Variants in ADGRA1 observed in about 807,000 individuals in gnomAD.
The protein encoded by ADGRA1 is G-protein coupled receptor 123.
In ADGRA1, 12 loss-of-function variants were observed where a neutral mutation model predicts 21.3. The observed-to-expected ratio is 0.56, with a 90% confidence interval of 0.36 to 0.91. The LOEUF (loss-of-function observed/expected upper bound fraction) is 0.91, where lower values mean the gene tolerates loss of function less well. Among genes scored for constraint, ADGRA1 ranks in the 40% least tolerant of loss-of-function variants. The pLI, the probability that ADGRA1 is intolerant of heterozygous loss-of-function variation, is 0.01. For missense variants in ADGRA1, 790 were observed against 805.6 expected (o/e 0.98, Z 0.23); for synonymous variants, 385 against 368.8 (o/e 1.04, Z -0.50).
At chr10:133,096,367 A>G (rs559458895) in intron 2 of ADGRA1, among the ~76,000 whole-genome samples, 1 of 152,314 alleles carries the variant, frequency 6.6e-6, no homozygotes, top group African/African-American at 2.4e-5. Context: ...GAGAACACAC[A>G]TTCCCCTTTG....
intron 2 of ADGRA1, among the ~76,000 whole-genome samples, chr10:133,090,436 GT>G (rs1189372689): frequency 6.6e-6 from 1 of 152,204 alleles, no homozygotes; most frequent in Non-Finnish European, 1.5e-5. Context: ...GCAGCTCACT[GT>G]TTTTATTCAC....
At chr10:133,108,964 C>T (rs977360348) in intron 5 of ADGRA1, among the ~76,000 whole-genome samples, 1 of 149,304 alleles carries the variant, frequency 6.7e-6, no homozygotes, top group African/African-American at 2.5e-5. Flanking sequence ...CCCTCATGTC[C>T]TCCACGGTCC....
At chr10:133,104,559 C>T (rs555899933) in intron 5 of ADGRA1, among the ~76,000 whole-genome samples, 1 of 152,290 alleles carries the variant, frequency 6.6e-6, no homozygotes, top group East Asian at 1.9e-4. Flanking sequence ...GCCATGGTGC[C>T]GAGGCGACTG....
chr10:133,092,784 A>AGAGAG (rs1481540036), intron 2 of ADGRA1, among the ~76,000 whole-genome samples: 13 of 101,882 alleles, frequency 1.3e-4, no homozygotes, highest in African/African-American at 3.7e-4. Flanking sequence ...GAAGGAAGGA[A>AGAGAG]GGAAGGAAGG....
chr10:133,127,380 C>T, intron 6 of ADGRA1, 49 bp downstream of exon 6: 1 of 1,397,060 alleles, frequency 7.2e-7, no homozygotes, highest in African/African-American at 1.5e-5. Flanking sequence ...CGGGTGGGCT[C>T]TGCCTGAGGT....
At chr10:133,100,315 C>T (rs1267551875) in intron 4 of ADGRA1, among the ~76,000 whole-genome samples, 2 of 152,242 alleles carry the variant, frequency 1.3e-5, no homozygotes, top group African/African-American at 2.4e-5. Flanking sequence ...GCCCGGGAAA[C>T]GCCATTGACG....
intron 3 of ADGRA1, among the ~76,000 whole-genome samples, chr10:133,097,573 T>C (rs7096769): frequency 0.034 from 5,113 of 152,188 alleles, 213 homozygotes; most frequent in African/African-American, 0.094. Flanking sequence ...GTCGCCTCGG[T>C]CACGGACAGA....
intron 5 of ADGRA1, among the ~76,000 whole-genome samples, chr10:133,121,559 CTTGT>C (rs780091010): frequency 5.3e-5 from 7 of 132,348 alleles, no homozygotes; most frequent in African/African-American, 1.2e-4. Context: ...TGTGAGTGTG[CTTGT>C]TTGTGTGCAT....
rs779011695 is a variant in ADGRA1, at chr10:133,127,280, C to T, written c.449C>T (p.Thr150Met). 1.9e-6 allele frequency: 3 copies of T among 1,599,900 alleles called. No individual in the cohort carries two copies. The East Asian group carries it at 6.8e-5, about 36-fold the overall frequency. Reference sequence around the variant, plus strand: ...GTCCCCTTTATCATCTGTGGGGTCACGGCTGCCACGAACATCAGGAATTAC... The same window carrying T: ...GTCCCCTTTATCATCTGTGGGGTCATGGCTGCCACGAACATCAGGAATTAC... ...GGVPFIICGV[T>M]AATNIRNYGT... Residue 150 changes from threonine (T) to methionine (M), a missense_variant, in exon 6 of 7, where the codon ACG (threonine) becomes ATG (methionine). Physicochemically the swap from Thr to Met is moderately conservative, Grantham distance 81. Transcript: ENST00000392607.
chr10:133,103,747 C>T (rs556232546), intron 5 of ADGRA1, among the ~76,000 whole-genome samples: 4 of 152,324 alleles, frequency 2.6e-5, no homozygotes, highest in South Asian at 2.1e-4. Context: ...GGTCTGGCCG[C>T]GGCCGTGACC....
chr10:133,098,307 C>T (rs941318020), intron 3 of ADGRA1, among the ~76,000 whole-genome samples: 4 of 152,128 alleles, frequency 2.6e-5, no homozygotes, highest in Admixed American at 2.6e-4. Flanking sequence ...GGGGTGCGGC[C>T]TCTATCTCTG....
chr10:133,128,475 A>G lies in ADGRA1; in HGVS notation c.647A>G (p.Glu216Gly). 6.3e-7 allele frequency: 1 copy of G among 1,578,370 alleles called. No individual in the cohort carries two copies. Among genetic ancestry groups the G allele is most frequent in the African/African-American group, 1.4e-5 (1 of 73,748 alleles). The change falls in exon 7 of 7, where the codon GAG becomes GGG. Residue 216 changes from glutamate (E) to glycine (G), a missense_variant. By Grantham distance (98) the Glu-to-Gly change is moderately conservative. Transcript: ENST00000392607. ...GRRYELRTQP[E>G]EQRRLATPEG... ...AGGTACGAGCTGCGCACACAGCCCG[A>G]GGAGCAGCGGCGGCTGGCGACACCC... is the stretch of plus-strand genomic sequence containing the variant.
intron 5 of ADGRA1, among the ~76,000 whole-genome samples, chr10:133,116,221 G>A (rs1278253852): frequency 3.9e-5 from 6 of 152,150 alleles, no homozygotes; most frequent in Admixed American, 6.5e-5. Flanking sequence ...ACACAGTAAC[G>A]AAATGTGGTG....
rs1307806970 is a variant in ADGRA1, at chr10:133,088,126, T to A, written c.-215T>A. On this transcript the variant is annotated 5_prime_UTR_variant, in exon 1 of 7. Transcript: ENST00000392607. ...CGGCCCGGCCGCCCCGGCAGCCGCTTCGGCCACAGCAGGTGGGAAGGACGC... is the reference window on the plus strand; with the variant it reads ...CGGCCCGGCCGCCCCGGCAGCCGCTACGGCCACAGCAGGTGGGAAGGACGC... 9 of 984,530 alleles carry A rather than the reference T, an allele frequency of 9.1e-6. No homozygotes were observed. Among genetic ancestry groups the A allele is most frequent in the Non-Finnish European group, 1.1e-5 (9 of 829,434 alleles). The allele number at this position is 984,530 out of a possible 1,614,324, so 61.0% of individuals were successfully genotyped here.
At chr10:133,109,823 T>C (rs1851955039) in intron 5 of ADGRA1, among the ~76,000 whole-genome samples, 1 of 152,192 alleles carries the variant, frequency 6.6e-6, no homozygotes, top group African/African-American at 2.4e-5. Context: ...CTGGGCTGGA[T>C]GTGTCGATGG....
Position 133,088,031 on chromosome 10 carries a change from G to T in ADGRA1, c.-310G>T, listed in dbSNP as rs1851530892. The T allele has an allele frequency of 1.0e-6, 1 of 984,988 alleles. No homozygotes were observed. 61.0% of individuals were successfully genotyped at this position (984,988 alleles called of 1,614,324 possible). A position where few individuals can be genotyped will look rare whatever the true frequency, so the allele number is the denominator to read the frequency against. ...TCTGTTGATAACTCGGTCCCAGCTCGGCCGCTGCCCTCGCGAATGGAGAGC... is the reference window on the plus strand; with the variant it reads ...TCTGTTGATAACTCGGTCCCAGCTCTGCCGCTGCCCTCGCGAATGGAGAGC... On this transcript the variant is annotated 5_prime_UTR_variant, in exon 1 of 7. Transcript: ENST00000392607.
At chr10:133,121,802 TGA>T (rs562231906) in intron 5 of ADGRA1, among the ~76,000 whole-genome samples, 67 of 149,112 alleles carry the variant, frequency 4.5e-4, no homozygotes, top group African/African-American at 1.0e-3. Context: ...AGTGTGTGTG[TGA>T]GTGTGCTTGT....
At chr10:133,102,621 A>C in intron 4 of ADGRA1, 76 bp from the exon 5 acceptor site, 4 of 1,506,396 alleles carry the variant, frequency 2.7e-6, no homozygotes, top group Non-Finnish European at 3.6e-6. Context: ...TTGAAGTTGC[A>C]AGCCCGGGCC....
chr10:133,090,935 G>A (rs1163911216), intron 2 of ADGRA1, among the ~76,000 whole-genome samples: 1 of 152,208 alleles, frequency 6.6e-6, no homozygotes, highest in East Asian at 1.9e-4. Flanking sequence ...TCTACAGGAT[G>A]GACAGTTTGC....
Sources: allele counts gnomAD v4.1 joint callset (sites outside exome capture counted in the v4.1 genomes callset), GRCh38; gene constraint gnomAD v4.1.1; transcripts MANE v1.5; gene names NCBI Gene and HGNC (gene_info 2026-07-23, HGNC 2026-07-21).